The following NTM variants were observed in gnomAD, a reference collection of about 807,000 sequenced individuals.
NTM encodes the protein IgLON family member 2.
In NTM, 13 loss-of-function variants were observed where a neutral mutation model predicts 42.1. The observed-to-expected ratio is 0.31, with a 90% CI of 0.20 to 0.49. The LOEUF is 0.49. Among genes scored for constraint, NTM ranks in the 20% least tolerant of loss-of-function variants. NTM has a pLI of 0.99. For synonymous variants in NTM, 187 were observed against 179.2 expected (o/e 1.04, Z -0.35); for missense variants, 373 against 452.8 (o/e 0.82, Z 1.60).
intron 1 of NTM, among the ~76,000 whole-genome samples, chr11:131,491,352 G>A (rs964856696): frequency 2.0e-5 from 3 of 152,054 alleles, no homozygotes; most frequent in South Asian, 4.1e-4. Context: ...TATTACAGAA[G>A]TGCATTGGGG....
At chr11:132,194,780 A>G (rs1407439210) in intron 3 of NTM, among the ~76,000 whole-genome samples, 1 of 151,894 alleles carries the variant, frequency 6.6e-6, no homozygotes, top group African/African-American at 2.4e-5. Context: ...TTCAGGATAC[A>G]AAATCAATGT....
intron 2 of NTM, among the ~76,000 whole-genome samples, chr11:132,138,439 A>T (rs1297121976): frequency 6.6e-6 from 1 of 152,202 alleles, no homozygotes; most frequent in Non-Finnish European, 1.5e-5. Context: ...GAAGTCACAG[A>T]ATTCCCAATG....
At chr11:131,713,889 C>T (rs908822376) in intron 1 of NTM, among the ~76,000 whole-genome samples, 21 of 152,160 alleles carry the variant, frequency 1.4e-4, no homozygotes, top group African/African-American at 4.1e-4. Flanking sequence ...GAGGGCCAAG[C>T]GGGTGACTTG....
intron 2 of NTM, among the ~76,000 whole-genome samples, chr11:131,921,176 A>G (rs1024681646): frequency 2.6e-5 from 4 of 152,218 alleles, no homozygotes; most frequent in African/African-American, 4.8e-5. Flanking sequence ...CTAACCTCCA[A>G]TAGCTTACAA....
intron 2 of NTM, among the ~76,000 whole-genome samples, chr11:131,972,099 G>T (rs74824753): frequency 0.091 from 13,353 of 146,952 alleles, 710 homozygotes; most frequent in East Asian, 0.19. Context: ...TGTAGTCCTA[G>T]CTACTTGGGA....
At chr11:131,728,267 G>T (rs115285210) in intron 1 of NTM, among the ~76,000 whole-genome samples, 4 of 152,202 alleles carry the variant, frequency 2.6e-5, no homozygotes, top group African/African-American at 7.2e-5. Context: ...TCTAATGCCC[G>T]TGGCAAGCCT....
intron 2 of NTM, among the ~76,000 whole-genome samples, chr11:132,105,070 C>T (rs1273909640): frequency 6.7e-6 from 1 of 148,382 alleles, no homozygotes; most frequent in East Asian, 2.0e-4. Flanking sequence ...TCACAATGTC[C>T]TCCTTCTTTC....
intron 1 of NTM, among the ~76,000 whole-genome samples, chr11:131,718,233 G>T (rs1299399942): frequency 6.6e-6 from 1 of 151,984 alleles, no homozygotes; most frequent in African/African-American, 2.4e-5. Context: ...AGAATGAATT[G>T]GGAATTATTC....
intron 3 of NTM, among the ~76,000 whole-genome samples, chr11:132,177,757 T>C (rs918149585): frequency 6.6e-6 from 1 of 152,180 alleles, no homozygotes; most frequent in Non-Finnish European, 1.5e-5. Flanking sequence ...GAAGCCCCAA[T>C]GGGGCATGGG....
chr11:132,326,873 C>A (rs956716464), intron 7 of NTM, among the ~76,000 whole-genome samples: 1 of 152,166 alleles, frequency 6.6e-6, no homozygotes, highest in East Asian at 1.9e-4. Context: ...GTTATACTTA[C>A]CTTACCTCAG....
chr11:132,061,225 T>G (rs1368286030), intron 2 of NTM, among the ~76,000 whole-genome samples: 1 of 152,212 alleles, frequency 6.6e-6, no homozygotes, highest in Non-Finnish European at 1.5e-5. Flanking sequence ...TTATCAGCTG[T>G]TTTGTGTCAT....
rs930080069 is a variant in NTM at position 131,451,427 on chromosome 11, A to G, written c.82+80539A>G. Among the ~76,000 whole-genome samples, 20 of 152,198 alleles carry G rather than the reference A, an allele frequency of 1.3e-4. 1 individual carries two copies. The highest frequency in any genetic ancestry group is 1.3e-3 in the Admixed American group (20 of 15,290). On this transcript the variant is annotated intron_variant, in intron 1 of 8. Coordinates refer to ENST00000683400, the MANE Select transcript of NTM (RefSeq NM_001352005.2). ...TGCAGAAAATAATGCAAAAGGAGTGAGAGGAGGGAGAAATTCCTCTGGGCT... is the reference window on the plus strand; with the variant it reads ...TGCAGAAAATAATGCAAAAGGAGTGGGAGGAGGGAGAAATTCCTCTGGGCT...
chr11:132,259,506 A>G (rs2092711358), intron 4 of NTM, among the ~76,000 whole-genome samples: 3 of 151,742 alleles, frequency 2.0e-5, no homozygotes, highest in Admixed American at 2.0e-4. Flanking sequence ...ATGGTGAAAC[A>G]CCATCTCTAC....
intron 2 of NTM, among the ~76,000 whole-genome samples, chr11:132,079,320 G>A (rs1479895475): frequency 6.6e-6 from 1 of 152,216 alleles, no homozygotes; most frequent in Non-Finnish European, 1.5e-5. Context: ...TGTGGAGTTA[G>A]TAAAACTTAG....
At chr11:132,072,886 T>C (rs1187604614) in intron 2 of NTM, among the ~76,000 whole-genome samples, 1 of 152,124 alleles carries the variant, frequency 6.6e-6, no homozygotes, top group African/African-American at 2.4e-5. Context: ...CTGAGAGGAA[T>C]AGGGGTTTTC....
chr11:131,899,783 T>C (rs1218952779), intron 1 of NTM, among the ~76,000 whole-genome samples: 1 of 152,208 alleles, frequency 6.6e-6, no homozygotes, highest in Non-Finnish European at 1.5e-5. Context: ...TAAGAGTTTT[T>C]TTATTTTATT....
At chr11:132,188,173 C>T (rs779891961) in intron 3 of NTM, among the ~76,000 whole-genome samples, 1 of 152,080 alleles carries the variant, frequency 6.6e-6, no homozygotes, top group African/African-American at 2.4e-5. Context: ...TGGGTATAGA[C>T]CAGAGATTCT....
At chr11:132,233,068 A>C (rs548649426) in intron 4 of NTM, among the ~76,000 whole-genome samples, 1 of 152,350 alleles carries the variant, frequency 6.6e-6, no homozygotes, top group African/African-American at 2.4e-5. Context: ...TGGGCAGTGC[A>C]GGAATCAAAA....
chr11:131,874,030 AATATATATAT>A lies in NTM; in HGVS notation c.83-37505_83-37496del, dbSNP rs59083400. ...ATAATATATTTATATAATATAATATAATATATATATATATATATATATATATATATATATA... is the reference window on the plus strand; with the variant it reads ...ATAATATATTTATATAATATAATATAATATATATATATATATATATATATA... On this transcript the variant is annotated intron_variant, in intron 1 of 8. Coordinates refer to ENST00000683400, the MANE Select transcript of NTM (RefSeq NM_001352005.2). 2.0e-3 allele frequency among the ~76,000 whole-genome samples: 156 copies of A among 76,624 alleles called. 3 individuals carry two copies. Among genetic ancestry groups the A allele is most frequent in the African/African-American group, 4.8e-3 (128 of 26,924 alleles). The allele number at this position is 76,624 out of a possible 152,430, so 50.3% of individuals were successfully genotyped here.
Sources: allele counts gnomAD v4.1 joint callset (sites outside exome capture counted in the v4.1 genomes callset), GRCh38; gene constraint gnomAD v4.1.1; transcripts MANE v1.5; gene names NCBI Gene and HGNC (gene_info 2026-07-23, HGNC 2026-07-21).